The following CFAP20DC variants were observed in gnomAD, a reference collection of about 807,000 sequenced individuals.
The protein encoded by CFAP20DC is protein CFAP20DC.
Under a neutral mutation model 101.7 loss-of-function variants are expected in CFAP20DC, and 84 were observed. The observed-to-expected ratio is 0.83, with a 90% CI of 0.69 to 0.99. CFAP20DC has a LOEUF of 0.99. Among genes scored for constraint, CFAP20DC ranks in the 50% least tolerant of loss-of-function variants. The pLI, the probability that CFAP20DC is intolerant of heterozygous loss-of-function variation, is 0.00. For missense variants in CFAP20DC, 1,007 were observed against 970.3 expected (o/e 1.04, Z -0.50); for synonymous variants, 359 against 351.2 (o/e 1.02, Z -0.25).
chr3:58,735,525 G>A (rs1389376528), intron 3 of CFAP20DC, among the ~76,000 whole-genome samples: 1 of 152,196 alleles, frequency 6.6e-6, no homozygotes, highest in Admixed American at 6.5e-5. Flanking sequence ...GGCACCACAG[G>A]AAGTGAAGAA....
chr3:58,872,210 A>T (rs1194608925), intron 7 of CFAP20DC, among the ~76,000 whole-genome samples: 3 of 152,192 alleles, frequency 2.0e-5, no homozygotes, highest in African/African-American at 7.2e-5. Context: ...GTCCCAAGTA[A>T]GTCCACATTT....
At chr3:59,011,716 G>C (rs527351186) in intron 4 of CFAP20DC, among the ~76,000 whole-genome samples, 2 of 152,192 alleles carry the variant, frequency 1.3e-5, no homozygotes, top group Non-Finnish European at 2.9e-5. Context: ...GAAAAGAAGA[G>C]AGAAGATCCA....
intron 14 of CFAP20DC, among the ~76,000 whole-genome samples, chr3:58,807,925 C>G (rs1030777457): frequency 2.0e-5 from 3 of 152,102 alleles, no homozygotes; most frequent in Non-Finnish European, 2.9e-5. Context: ...ATGTAGAAGC[C>G]TCAGGAGCCC....
chr3:58,929,578 T>C (rs996065055), intron 5 of CFAP20DC, among the ~76,000 whole-genome samples: 4 of 152,248 alleles, frequency 2.6e-5, no homozygotes, highest in Non-Finnish European at 5.9e-5. Context: ...CAAGCATTTA[T>C]GGATATTTAA....
At chr3:59,022,553 A>G (rs571930740) in intron 4 of CFAP20DC, among the ~76,000 whole-genome samples, 2 of 152,248 alleles carry the variant, frequency 1.3e-5, no homozygotes, top group Admixed American at 1.3e-4. Flanking sequence ...TTTCCAAGTT[A>G]TAGATCAATG....
chr3:58,839,017 A>AC (rs2076924032), intron 13 of CFAP20DC, among the ~76,000 whole-genome samples: 1 of 152,248 alleles, frequency 6.6e-6, no homozygotes. Context: ...TGTTTACAGA[A>AC]ATGAAAATAG....
At chr3:59,027,576 A>G (rs942058987) in intron 4 of CFAP20DC, among the ~76,000 whole-genome samples, 2 of 152,234 alleles carry the variant, frequency 1.3e-5, no homozygotes, top group Non-Finnish European at 2.9e-5. Context: ...TGAGATAATG[A>G]CAAAATCAGG....
At chr3:58,816,132 T>A (rs573896349) in intron 14 of CFAP20DC, among the ~76,000 whole-genome samples, 4 of 151,820 alleles carry the variant, frequency 2.6e-5, no homozygotes, top group African/African-American at 9.7e-5. Flanking sequence ...AATGATAGAC[T>A]GGATTAAGAA....
intron 13 of CFAP20DC, among the ~76,000 whole-genome samples, chr3:58,832,570 T>C (rs942329064): frequency 5.3e-5 from 8 of 152,170 alleles, no homozygotes; most frequent in Non-Finnish European, 7.3e-5. Context: ...TGCAGTAAGA[T>C]TGAGAATGAC....
Position 59,004,601 on chromosome 3 carries a change from A to T in CFAP20DC, c.278+34956T>A, listed in dbSNP as rs138865667. Among the ~76,000 whole-genome samples, 386 of 152,246 alleles carry T rather than the reference A, an allele frequency of 2.5e-3. 7 individuals are homozygous for T. The East Asian group carries it at 0.065, about 26-fold the overall frequency. ...TATCTTTTAAAAAAATTAGTTACCAACCTCTAAAAATTAGAAGTCGTCATT... is the reference window on the plus strand; with the variant it reads ...TATCTTTTAAAAAAATTAGTTACCATCCTCTAAAAATTAGAAGTCGTCATT... On this transcript the variant is annotated intron_variant, in intron 4 of 16. Coordinates refer to ENST00000482387, the MANE Select transcript of CFAP20DC (RefSeq NM_001394063.1).
intron 4 of CFAP20DC, among the ~76,000 whole-genome samples, chr3:58,993,797 G>A (rs954256013): frequency 2.6e-5 from 4 of 152,196 alleles, no homozygotes; most frequent in African/African-American, 9.7e-5. Flanking sequence ...ATTCCATGGT[G>A]TATATGTACC....
At chr3:58,810,609 C>A (rs58121773) in intron 14 of CFAP20DC, among the ~76,000 whole-genome samples, 10,123 of 139,440 alleles carry the variant, frequency 0.073, 766 homozygotes, top group East Asian at 0.24. Context: ...ACTGAATGGG[C>A]AAAAACTGGA....
intron 15 of CFAP20DC, among the ~76,000 whole-genome samples, chr3:58,781,762 TAAC>T (rs2071849792): frequency 1.3e-5 from 2 of 152,008 alleles, no homozygotes; most frequent in South Asian, 4.1e-4. Flanking sequence ...AACAGAACAA[TAAC>T]AAGTTATGAG....
chr3:58,825,463 C>T (rs1428228939), intron 14 of CFAP20DC, among the ~76,000 whole-genome samples: 2 of 151,938 alleles, frequency 1.3e-5, no homozygotes, highest in Non-Finnish European at 2.9e-5. Flanking sequence ...GTTGACTGAT[C>T]TAGAGTTTAT....
intron 12 of CFAP20DC, among the ~76,000 whole-genome samples, chr3:58,851,756 A>T (rs2078252754): frequency 6.6e-6 from 1 of 152,108 alleles, no homozygotes; most frequent in Non-Finnish European, 1.5e-5. Flanking sequence ...AAAAAAAAAC[A>T]TGCCTCTTAA....
intron 5 of CFAP20DC, among the ~76,000 whole-genome samples, chr3:58,932,606 G>A (rs575651122): frequency 2.0e-5 from 3 of 152,264 alleles, no homozygotes; most frequent in Non-Finnish European, 2.9e-5. Context: ...AGAAGAGAGT[G>A]GGGGCCAATA....
At chr3:58,866,382 A>G (rs930712788) in intron 11 of CFAP20DC, among the ~76,000 whole-genome samples, 184 bp downstream of exon 11, 11 of 152,240 alleles carry the variant, frequency 7.2e-5, no homozygotes, top group African/African-American at 2.4e-4. Flanking sequence ...TTGAAAATAA[A>G]AAAATACTCT....
chr3:58,979,664 G>A (rs558270076), intron 4 of CFAP20DC, among the ~76,000 whole-genome samples: 34 of 152,212 alleles, frequency 2.2e-4, no homozygotes, highest in Non-Finnish European at 4.0e-4. Context: ...AGCACTTTAG[G>A]CGCTTGTCAA....
rs114859998 is a variant in CFAP20DC, at chr3:58,803,038, T to C, written c.2237+3357A>G. On this transcript the variant is annotated intron_variant, in intron 15 of 16. Transcript: ENST00000482387. ...GATATTGGTTATTCTGTTACATTAA[T>C]AAAGCTATTTGAAAGGTGACTCTCT... is the stretch of plus-strand genomic sequence containing the variant. Among the ~76,000 whole-genome samples, 1,207 of 152,258 alleles carry C rather than the reference T, an allele frequency of 7.9e-3. 20 individuals are homozygous for C. The highest frequency in any genetic ancestry group is 0.028 in the African/African-American group (1,156 of 41,528).
Sources: allele counts gnomAD v4.1 joint callset (sites outside exome capture counted in the v4.1 genomes callset), GRCh38; gene constraint gnomAD v4.1.1; transcripts MANE v1.5; gene names NCBI Gene and HGNC (gene_info 2026-07-23, HGNC 2026-07-21).